The following SLMAP variants were observed in gnomAD, a reference collection of about 807,000 sequenced individuals.
SLMAP encodes sarcolemma associated protein, also known as sarcolemmal membrane-associated protein.
In SLMAP, 44 loss-of-function variants were observed where a neutral mutation model predicts 128.8. The observed-to-expected ratio is 0.34, with a 90% CI of 0.27 to 0.44. SLMAP has a LOEUF of 0.44. SLMAP is among the 20% of genes least tolerant of loss of function. The probability of loss-of-function intolerance (pLI) is 1.00; values close to 1 mark genes in which losing one functional copy is unlikely to be tolerated. For missense variants in SLMAP, 787 were observed against 985.3 expected (o/e 0.80, Z 2.69); for synonymous variants, 327 against 348.8 (o/e 0.94, Z 0.70).
At chr3:57,810,216 C>A (rs1006943880) in intron 2 of SLMAP, among the ~76,000 whole-genome samples, 1 of 152,178 alleles carries the variant, frequency 6.6e-6, no homozygotes, top group Admixed American at 6.5e-5. Flanking sequence ...CTGGAGCTGC[C>A]CGCCCCACTG....
chr3:57,759,370 C>T (rs1008267027), intron 2 of SLMAP, among the ~76,000 whole-genome samples: 11 of 151,868 alleles, frequency 7.2e-5, no homozygotes, highest in Admixed American at 3.9e-4. Flanking sequence ...CTCTGCCTCC[C>T]GGGTTCAAGT....
At chr3:57,785,694 C>G (rs1227062743) in intron 2 of SLMAP, among the ~76,000 whole-genome samples, 1 of 152,022 alleles carries the variant, frequency 6.6e-6, no homozygotes, top group African/African-American at 2.4e-5. Context: ...TCTCTTTTTT[C>G]CTTCTTGGTT....
chr3:57,813,465 T>G (rs1235924672), intron 2 of SLMAP, among the ~76,000 whole-genome samples: 1 of 152,184 alleles, frequency 6.6e-6, no homozygotes, highest in African/African-American at 2.4e-5. Flanking sequence ...TATAGTCTCA[T>G]GTCCAGGACA....
intron 11 of SLMAP, 29 bp from the exon 12 acceptor site, chr3:57,864,778 C>A: frequency 8.2e-7 from 1 of 1,217,418 alleles, no homozygotes; most frequent in Non-Finnish European, 1.1e-6. Flanking sequence ...TGTGAAATAT[C>A]TTTTTTTTTT....
intron 14 of SLMAP, among the ~76,000 whole-genome samples, chr3:57,872,780 G>T (rs1446490198): frequency 6.6e-6 from 1 of 152,176 alleles, no homozygotes; most frequent in Non-Finnish European, 1.5e-5. Flanking sequence ...TCTTGGTTTT[G>T]TTAAGTAAAG....
chr3:57,842,968 A>G (rs940691870), intron 4 of SLMAP, among the ~76,000 whole-genome samples: 1 of 152,224 alleles, frequency 6.6e-6, no homozygotes, highest in African/African-American at 2.4e-5. Context: ...TTGAAATATG[A>G]AGATGATGAT....
intron 2 of SLMAP, among the ~76,000 whole-genome samples, chr3:57,799,084 T>C (rs1361551222): frequency 6.6e-6 from 1 of 152,200 alleles, no homozygotes; most frequent in African/African-American, 2.4e-5. Flanking sequence ...AGTCCAGTCA[T>C]CATTTCTGTG....
intron 14 of SLMAP, among the ~76,000 whole-genome samples, chr3:57,883,947 T>C (rs1057514902): frequency 6.6e-6 from 1 of 150,566 alleles, no homozygotes; most frequent in Non-Finnish European, 1.5e-5. Flanking sequence ...CTTTTTTTTT[T>C]TTTTTTGAGA....
At chr3:57,880,566 T>C (rs1441875945) in intron 14 of SLMAP, among the ~76,000 whole-genome samples, 1 of 152,112 alleles carries the variant, frequency 6.6e-6, no homozygotes, top group Non-Finnish European at 1.5e-5. Context: ...ATCACCTCTC[T>C]AGAGTATTGC....
chr3:57,768,539 T>C (rs948652880), intron 2 of SLMAP, among the ~76,000 whole-genome samples: 38 of 152,132 alleles, frequency 2.5e-4, no homozygotes, highest in Admixed American at 2.4e-3. Flanking sequence ...GGCAACTGTT[T>C]ATATGAAATG....
At chr3:57,858,606 A>G (rs1400683096) in intron 8 of SLMAP, among the ~76,000 whole-genome samples, 1 of 152,110 alleles carries the variant, frequency 6.6e-6, no homozygotes, top group South Asian at 2.1e-4. Flanking sequence ...TGAGATTTTT[A>G]TCAATCATTG....
intron 14 of SLMAP, among the ~76,000 whole-genome samples, chr3:57,874,598 G>A (rs1458875804): frequency 2.7e-5 from 4 of 150,720 alleles, no homozygotes; most frequent in Non-Finnish European, 4.4e-5. Context: ...GGTGGCTCAC[G>A]CCTGTAATCC....
chr3:57,780,153 CT>C (rs1031318234), intron 2 of SLMAP, among the ~76,000 whole-genome samples: 100 of 145,354 alleles, frequency 6.9e-4, no homozygotes, highest in Non-Finnish European at 7.3e-4. Flanking sequence ...CCCCTCCCTT[CT>C]TTTTTTTTTT....
At chr3:57,902,207 A>G (rs572381783) in intron 17 of SLMAP, 1 of 152,316 alleles carries the variant, frequency 6.6e-6, no homozygotes, top group South Asian at 2.1e-4. Flanking sequence ...TCATAGTATT[A>G]TAGATATTAT....
chr3:57,883,179 T>C (rs1171865405), intron 14 of SLMAP, among the ~76,000 whole-genome samples: 1 of 152,084 alleles, frequency 6.6e-6, no homozygotes, highest in East Asian at 1.9e-4. Context: ...TTAAGAGAGA[T>C]AGGAATAGAG....
intron 2 of SLMAP, among the ~76,000 whole-genome samples, chr3:57,830,984 G>A (rs180698891): frequency 8.0e-4 from 122 of 152,284 alleles, no homozygotes; most frequent in African/African-American, 2.8e-3. Context: ...TCAGTTGATG[G>A]ATAGTTGGAT....
intron 13 of SLMAP, among the ~76,000 whole-genome samples, chr3:57,865,917 C>T (rs1335258776): frequency 6.6e-6 from 1 of 152,104 alleles, no homozygotes; most frequent in Non-Finnish European, 1.5e-5. Context: ...CTTGAAGATC[C>T]CTAGTCATTC....
chr3:57,896,914 A>G lies in SLMAP; in HGVS notation c.1483A>G (p.Lys495Glu), dbSNP rs780431433. 5.0e-6 allele frequency: 8 copies of G among 1,613,236 alleles called. No homozygotes were observed. Among genetic ancestry groups the G allele is most frequent in the Non-Finnish European group, 6.8e-6 (8 of 1,179,734 alleles). ...GCAAGACCTAAATGAGCCTCTTGCC[A>G]AAGTGTCCCTTTTAAAAGGTACTTT... is the stretch of plus-strand genomic sequence containing the variant. Reference protein sequence around the residue: ...DEQDLNEPLAKVSLLKDDLQG... With the variant: ...DEQDLNEPLAEVSLLKDDLQG... Residue 495 changes from lysine (K) to glutamate (E), a missense_variant, in exon 17 of 25, where the codon AAA becomes GAA. This residue lies in a region of SLMAP where 715 missense variants were observed against 843.6 expected (regional missense o/e 0.85). Transcript: ENST00000671191.
In SLMAP at chr3:57,823,563, C is replaced by T. The variant is rs531939421; in HGVS notation, c.199-7820C>T. On this transcript the variant is annotated intron_variant, in intron 2 of 24. Coordinates refer to ENST00000671191, the MANE Select transcript of SLMAP (RefSeq NM_001377540.1). ...AGGACATGAACTCATCATTTTTTAT[C>T]GCTGCATAGTATTCCATGGTGTATA... 1.1e-3 allele frequency among the ~76,000 whole-genome samples: 167 copies of T among 151,114 alleles called. 1 individual carries two copies. Among genetic ancestry groups the T allele is most frequent in the Middle Eastern group, 3.4e-3 (1 of 292 alleles).
Sources: allele counts gnomAD v4.1 joint callset (sites outside exome capture counted in the v4.1 genomes callset), GRCh38; gene constraint gnomAD v4.1.1; regional missense constraint gnomAD v4.1.1; transcripts MANE v1.5; gene names NCBI Gene and HGNC (gene_info 2026-07-23, HGNC 2026-07-21).